PRKG1: variants seen among roughly 807,000 people sequenced by gnomAD.
PRKG1 encodes the protein protein kinase cGMP-dependent 1.
A neutral mutation model predicts 88.1 loss-of-function variants in PRKG1; 35 were observed. The ratio of observed to expected loss-of-function variants is 0.40; its 90% CI spans 0.30 to 0.53. PRKG1 has a LOEUF of 0.53. PRKG1 is among the 20% of genes least tolerant of loss of function. PRKG1 has a pLI of 0.59. For missense variants in PRKG1, 540 were observed against 839.8 expected, an observed-to-expected ratio of 0.64 and a Z score of 4.41; for synonymous variants, 303 against 292.5, an observed-to-expected ratio of 1.04 and a Z score of -0.37.
intron 2 of PRKG1, among the ~76,000 whole-genome samples, chr10:51,383,165 A>T (rs1294196830): frequency 1.3e-5 from 2 of 152,082 alleles, no homozygotes; most frequent in Non-Finnish European, 2.9e-5. Context: ...ACAACACCAA[A>T]GTCTTGTTAG....
chr10:51,102,124 G>A (rs918343376), intron 1 of PRKG1, among the ~76,000 whole-genome samples: 6 of 152,146 alleles, frequency 3.9e-5, no homozygotes, highest in East Asian at 1.9e-4. Flanking sequence ...AGCACACCTC[G>A]TGTAGTAGAA....
intron 2 of PRKG1, among the ~76,000 whole-genome samples, chr10:51,192,198 G>T (rs1354144690): frequency 6.6e-6 from 1 of 151,090 alleles, no homozygotes; most frequent in Non-Finnish European, 1.5e-5. Flanking sequence ...ATGTAGGGTA[G>T]AATTATTTCT....
chr10:51,755,580 A>T (rs12264549), intron 3 of PRKG1, among the ~76,000 whole-genome samples: 2,923 of 152,334 alleles, frequency 0.019, 97 homozygotes, highest in African/African-American at 0.066. Context: ...GATTAGATTT[A>T]TACTTACTTT....
chr10:51,407,003 G>A, intron 2 of PRKG1, among the ~76,000 whole-genome samples: 1 of 152,158 alleles, frequency 6.6e-6, no homozygotes, highest in East Asian at 1.9e-4. Flanking sequence ...GGAGAAACAT[G>A]TAGGCTGGGA....
At chr10:52,011,915 CCT>C (rs1471023407) in intron 5 of PRKG1, among the ~76,000 whole-genome samples, 9 of 152,096 alleles carry the variant, frequency 5.9e-5, no homozygotes, top group Admixed American at 1.3e-4. Flanking sequence ...CTGCACAAGC[CCT>C]CTCTCTTTGC....
At chr10:51,243,189 G>A (rs565971733) in intron 2 of PRKG1, among the ~76,000 whole-genome samples, 2 of 152,278 alleles carry the variant, frequency 1.3e-5, no homozygotes, top group South Asian at 2.1e-4. Context: ...CTTGGATGAT[G>A]TATCAGTGAG....
intron 3 of PRKG1, among the ~76,000 whole-genome samples, chr10:51,579,901 T>G (rs1393832029): frequency 1.3e-5 from 2 of 152,128 alleles, no homozygotes; most frequent in African/African-American, 4.8e-5. Flanking sequence ...AATGGATATA[T>G]GAAATCAAAC....
intron 1 of PRKG1, among the ~76,000 whole-genome samples, chr10:51,122,630 T>G (rs1845287975): frequency 6.6e-6 from 1 of 152,176 alleles, no homozygotes; most frequent in African/African-American, 2.4e-5. Flanking sequence ...GCTAGACATA[T>G]CCTTCTTGGT....
At chr10:51,780,594 T>A (rs891082709) in intron 3 of PRKG1, among the ~76,000 whole-genome samples, 1 of 152,162 alleles carries the variant, frequency 6.6e-6, no homozygotes, top group Non-Finnish European at 1.5e-5. Context: ...CGTAAGTAAC[T>A]TTTAATCATT....
intron 2 of PRKG1, among the ~76,000 whole-genome samples, chr10:51,256,298 T>A (rs1339426681): frequency 6.6e-6 from 1 of 151,892 alleles, no homozygotes; most frequent in African/African-American, 2.4e-5. Flanking sequence ...TAAAGCCCAC[T>A]TTTTTTTAGT....
At chr10:51,689,144 C>G in intron 3 of PRKG1, among the ~76,000 whole-genome samples, 1 of 152,112 alleles carries the variant, frequency 6.6e-6, no homozygotes, top group Admixed American at 6.6e-5. Flanking sequence ...AAACCTCTTT[C>G]CTTTGTAAGT....
chr10:51,286,047 T>G (rs1045167258), intron 2 of PRKG1, among the ~76,000 whole-genome samples: 4 of 152,170 alleles, frequency 2.6e-5, no homozygotes, highest in African/African-American at 9.7e-5. Context: ...CTTGGCTCAC[T>G]GCAACCTCTG....
chr10:51,922,630 T>G (rs1476638032), intron 5 of PRKG1, among the ~76,000 whole-genome samples: 1 of 151,956 alleles, frequency 6.6e-6, no homozygotes, highest in Non-Finnish European at 1.5e-5. Flanking sequence ...AGTTTTTAAT[T>G]TTTCTTGAGG....
At chr10:51,484,868 TG>T (rs1417789802) in intron 3 of PRKG1, among the ~76,000 whole-genome samples, 1 of 152,212 alleles carries the variant, frequency 6.6e-6, no homozygotes, top group East Asian at 1.9e-4. Context: ...CTGCTGTTGT[TG>T]TTCTGTTAAG....
At chr10:51,204,370 G>A (rs911013871) in intron 2 of PRKG1, among the ~76,000 whole-genome samples, 10 of 28,056 alleles carry the variant, frequency 3.6e-4, no homozygotes, top group Non-Finnish European at 5.0e-4. Context: ...AGACCTCCGT[G>A]TGTGTGTGTG....
chr10:51,038,390 T>C (rs949833250), intron 1 of PRKG1, among the ~76,000 whole-genome samples: 1 of 152,208 alleles, frequency 6.6e-6, no homozygotes, highest in African/African-American at 2.4e-5. Context: ...ACTGTAGTCA[T>C]TCTGTTGTGC....
At chr10:51,797,005 A>T (rs768838214) in intron 3 of PRKG1, among the ~76,000 whole-genome samples, 1 of 151,984 alleles carries the variant, frequency 6.6e-6, no homozygotes, top group African/African-American at 2.4e-5. Flanking sequence ...TAGAAGACAA[A>T]TAGGTGGAAA....
chr10:51,847,075 A>T lies in PRKG1; in HGVS notation c.698+42385A>T, dbSNP rs138506577. 7.6e-4 allele frequency among the ~76,000 whole-genome samples: 115 copies of T among 152,264 alleles called. No individual in the cohort carries two copies. The Middle Eastern group carries it at 0.01, about 14-fold the overall frequency. On this transcript the variant is annotated intron_variant, in intron 4 of 17. Transcript: ENST00000373980. Reference sequence around the variant, plus strand: ...TATTCTAATAGCAGCTCAGCTGCTCACTGTCATTTAATGGCATCACATTCC... The same window carrying T: ...TATTCTAATAGCAGCTCAGCTGCTCTCTGTCATTTAATGGCATCACATTCC...
intron 4 of PRKG1, among the ~76,000 whole-genome samples, chr10:51,848,944 A>G (rs1349980605): frequency 6.7e-6 from 1 of 150,094 alleles, no homozygotes; most frequent in Non-Finnish European, 1.5e-5. Flanking sequence ...TTAAATGTTG[A>G]TGTCATGATA....
Sources: gnomAD v4.1 joint callset for allele counts (sites outside exome capture counted in the v4.1 genomes callset) on GRCh38, gnomAD v4.1.1 for gene constraint, MANE v1.5 for transcripts, NCBI Gene and HGNC (gene_info 2026-07-23, HGNC 2026-07-21) for gene names.